PTPN13: variants seen among roughly 807,000 people sequenced by gnomAD.
The protein encoded by PTPN13 is tyrosine-protein phosphatase non-receptor type 13.
In PTPN13, 191 loss-of-function variants were observed where a neutral mutation model predicts 284.0. That is an observed-to-expected ratio of 0.67 (90% CI 0.60 to 0.76). The LOEUF (loss-of-function observed/expected upper bound fraction) is 0.76, where lower values mean the gene tolerates loss of function less well. Among genes scored for constraint, PTPN13 ranks in the 30% least tolerant of loss-of-function variants. The pLI is 0.00. For missense variants in PTPN13, 2,797 were observed against 2,939.9 expected (o/e 0.95, Z 1.12); for synonymous variants, 986 against 1,022.3 (o/e 0.96, Z 0.68).
intron 1 of PTPN13, among the ~76,000 whole-genome samples, chr4:86,597,076 A>C (rs1490414663): frequency 6.6e-6 from 1 of 152,040 alleles, no homozygotes; most frequent in African/African-American, 2.4e-5. Context: ...TTTACAAGGT[A>C]GGGGCCTGAG....
In PTPN13 at chr4:86,766,453, A is replaced by G. The variant is rs747958537; in HGVS notation, c.4265A>G (p.Asn1422Ser). The stretch of plus-strand genomic sequence containing the variant: ...TTAGGTGATCGCGTCCTAGCTGTCA[A>G]TGGAGTTAGTCTAGAAGGAGCCACC... Reference protein sequence around the residue: ...IHKGDRVLAVNGVSLEGATHK... With the variant: ...IHKGDRVLAVSGVSLEGATHK... The change falls in exon 27 of 48, where the codon AAT (asparagine) becomes AGT (serine). Residue 1422 changes from asparagine (N) to serine (S), a missense_variant. Transcript: ENST00000411767. The G allele has an allele frequency of 2.1e-5, 34 of 1,609,254 alleles. No homozygotes were observed. Among genetic ancestry groups the G allele is most frequent in the Admixed American group, 1.2e-4 (7 of 58,704 alleles).
At chr4:86,700,771 C>A (rs768504090) in intron 6 of PTPN13, among the ~76,000 whole-genome samples, 9 of 152,084 alleles carry the variant, frequency 5.9e-5, no homozygotes, top group Non-Finnish European at 1.2e-4. Flanking sequence ...AGCAAGAATT[C>A]TTTGTTTCTT....
intron 2 of PTPN13, among the ~76,000 whole-genome samples, chr4:86,657,607 T>C (rs1346955208): frequency 6.6e-6 from 1 of 152,170 alleles, no homozygotes; most frequent in Non-Finnish European, 1.5e-5. Flanking sequence ...ACCAGCACAG[T>C]ACTGGAGTTC....
chr4:86,655,519 A>G (rs1725680985), intron 2 of PTPN13, among the ~76,000 whole-genome samples: 4 of 152,194 alleles, frequency 2.6e-5, no homozygotes, highest in Admixed American at 2.6e-4. Flanking sequence ...TTGGCTGGAT[A>G]TGAAATTCTG....
intron 7 of PTPN13, among the ~76,000 whole-genome samples, chr4:86,716,025 T>G (rs906663101): frequency 6.6e-6 from 1 of 152,216 alleles, no homozygotes; most frequent in Non-Finnish European, 1.5e-5. Flanking sequence ...GTGTCAATAT[T>G]GGGGTACTTG....
rs561835463 is a variant in PTPN13, at chr4:86,636,755, A to G, written c.115+1384A>G. On this transcript the variant is annotated intron_variant, in intron 2 of 47. Coordinates refer to ENST00000411767, the MANE Select transcript of PTPN13 (RefSeq NM_080683.3). Reference sequence around the variant, plus strand: ...GATCCAAAATTGACACCCTAACATCACAATTGAAAGAACTAGAAAAGCAAG... The same window carrying G: ...GATCCAAAATTGACACCCTAACATCGCAATTGAAAGAACTAGAAAAGCAAG... Among the ~76,000 whole-genome samples the G allele has an allele frequency of 2.0e-5, 3 of 152,290 alleles. No homozygotes were observed. In the South Asian group the frequency reaches 6.2e-4, roughly 32 times the overall value.
intron 2 of PTPN13, among the ~76,000 whole-genome samples, chr4:86,664,430 AATT>A (rs1361760822): frequency 1.3e-5 from 2 of 152,080 alleles, no homozygotes; most frequent in Non-Finnish European, 2.9e-5. Flanking sequence ...GCAAAGTCTA[AATT>A]AGTAAGTTAT....
At chr4:86,735,008 AT>A (rs1236842934) in intron 14 of PTPN13, 133 bp downstream of exon 14, 2 of 986,092 alleles carry the variant, frequency 2.0e-6, no homozygotes, top group Admixed American at 4.7e-5. Context: ...GTTCCTCAGA[AT>A]GACCAAGCAC....
intron 1 of PTPN13, among the ~76,000 whole-genome samples, chr4:86,625,872 T>G (rs1721779585): frequency 6.6e-6 from 1 of 152,198 alleles, no homozygotes; most frequent in African/African-American, 2.4e-5. Flanking sequence ...GAATTTTTAC[T>G]TGATCTTTTG....
rs531842148 is a variant in PTPN13, at chr4:86,732,465, G to T, written c.1674G>T (p.Arg558=). The T allele has an allele frequency of 2.2e-5, 36 of 1,600,636 alleles. No homozygotes were observed. In the South Asian group the frequency reaches 3.7e-4, roughly 17 times the overall value. ...IEPFISLDLP[R]SILTKKGKNE... ...CATTTATATCTTTGGATTTGCCACG[G>T]TCTATTCTTGTAAGTAATAAAACCA... Residue 558 remains arginine, a synonymous_variant, in exon 11 of 48, where the codon CGG becomes CGT. Coordinates refer to ENST00000411767, the MANE Select transcript of PTPN13 (RefSeq NM_080683.3).
In PTPN13 at chr4:86,809,805, A is replaced by G. The variant is rs770764897; in HGVS notation, c.7120A>G (p.Thr2374Ala). Reference protein sequence around the residue: ...EVRHISHLNFTAWPDHDTPSQ... With the variant: ...EVRHISHLNFAAWPDHDTPSQ... ...GCGCCATATTTCTCATCTGAATTTC[A>G]CTGCCTGGCCAGACCATGATACACC... Residue 2374 changes from threonine to alanine, a missense_variant, in exon 46 of 48, where the codon ACT becomes GCT. Thr to Ala is a moderately conservative substitution (Grantham distance 58). Transcript: ENST00000411767. 1.9e-6 allele frequency: 3 copies of G among 1,613,920 alleles called. No individual in the cohort carries two copies. The highest frequency in any genetic ancestry group is 2.5e-6 in the Non-Finnish European group (3 of 1,179,906).
intron 40 of PTPN13, among the ~76,000 whole-genome samples, chr4:86,791,337 A>C (rs1464840808): frequency 5.9e-5 from 9 of 152,120 alleles, no homozygotes; most frequent in Non-Finnish European, 1.3e-4. Context: ...AGTGTAAACA[A>C]AGCGGCCGGG....
chr4:86,653,971 A>G (rs1057336679), intron 2 of PTPN13, among the ~76,000 whole-genome samples: 1 of 152,220 alleles, frequency 6.6e-6, no homozygotes, highest in South Asian at 2.1e-4. Flanking sequence ...CAGGATTTTT[A>G]GCTTTGGATC....
intron 15 of PTPN13, 67 bp from the exon 16 acceptor site, chr4:86,741,567 C>T: frequency 1.4e-6 from 2 of 1,411,968 alleles, no homozygotes; most frequent in Non-Finnish European, 2.0e-6. Context: ...CCATATCATA[C>T]AGCTTCAATA....
At chr4:86,605,608 C>G (rs538210746) in intron 1 of PTPN13, among the ~76,000 whole-genome samples, 2 of 151,506 alleles carry the variant, frequency 1.3e-5, no homozygotes, top group East Asian at 3.9e-4. Context: ...AGATGTGGGC[C>G]TATTGATGAA....
In PTPN13 at chr4:86,799,181, C is replaced by G. The variant is rs1743696390; in HGVS notation, c.6482C>G (p.Thr2161Arg). ...WGNDELPIER[T>R]NHEDSDKDHS... is the part of the protein sequence containing the mutation. ...AATGATGAGTTGCCAATAGAGAGAA[C>G]AAACCATGAAGATTCTGATAAAGGC... Residue 2161 changes from threonine (T) to arginine (R), a missense_variant, in exon 42 of 48, where the codon ACA becomes AGA. Physicochemically the swap from Thr to Arg is moderately conservative, Grantham distance 71 (BLOSUM62 -1). Coordinates refer to ENST00000411767, the MANE Select transcript of PTPN13 (RefSeq NM_080683.3). 5 of 1,572,430 alleles carry G rather than the reference C, an allele frequency of 3.2e-6. No individual in the cohort carries two copies. In the African/African-American group the frequency reaches 5.4e-5, roughly 17 times the overall value.
At chr4:86,768,184 T>C (rs1578620821) in intron 28 of PTPN13, among the ~76,000 whole-genome samples, 1 of 152,292 alleles carries the variant, frequency 6.6e-6, no homozygotes, top group East Asian at 1.9e-4. Flanking sequence ...GATAATAAAG[T>C]CATGCATGAT....
At chr4:86,638,216 G>A (rs1723279151) in intron 2 of PTPN13, among the ~76,000 whole-genome samples, 1 of 152,162 alleles carries the variant, frequency 6.6e-6, no homozygotes, top group South Asian at 2.1e-4. Context: ...ATGCTCATGG[G>A]TAGGAAGAGT....
At chr4:86,731,556 C>G (rs1005662728) in intron 10 of PTPN13, among the ~76,000 whole-genome samples, 1 of 152,116 alleles carries the variant, frequency 6.6e-6, no homozygotes, top group Admixed American at 6.6e-5. Flanking sequence ...TCATAGGGTT[C>G]CAAGATAGTG....
Sources: allele counts gnomAD v4.1 joint callset (sites outside exome capture counted in the v4.1 genomes callset), GRCh38; gene constraint gnomAD v4.1.1; transcripts MANE v1.5; gene names NCBI Gene and HGNC (gene_info 2026-07-23, HGNC 2026-07-21).